IMMP2L: variants seen among roughly 807,000 people sequenced by gnomAD.
The protein encoded by IMMP2L is mitochondrial inner membrane protease subunit 2.
Under a neutral mutation model 19.3 loss-of-function variants are expected in IMMP2L, and 18 were observed. The ratio of observed to expected loss-of-function variants is 0.93; its 90% CI spans 0.64 to 1.38. The LOEUF is 1.38. Ranked by LOEUF, IMMP2L falls within the 40% of genes most tolerant of loss-of-function variation. IMMP2L has a pLI of 0.00. For missense variants in IMMP2L, 233 were observed against 218.2 expected, an observed-to-expected ratio of 1.07 and a Z score of -0.43; for synonymous variants, 76 against 73.0, an observed-to-expected ratio of 1.04 and a Z score of -0.21.
At chr7:111,470,450 A>C (rs570148980) in intron 3 of IMMP2L, among the ~76,000 whole-genome samples, 1 of 152,154 alleles carries the variant, frequency 6.6e-6, no homozygotes, top group South Asian at 2.1e-4. Context: ...ACTATTCACA[A>C]TAGCAAAGAC....
At chr7:111,056,118 A>G (rs1323314395) in intron 3 of IMMP2L, among the ~76,000 whole-genome samples, 1 of 152,226 alleles carries the variant, frequency 6.6e-6, no homozygotes, top group African/African-American at 2.4e-5. Flanking sequence ...AACAACTAAT[A>G]TATCTCTGAG....
chr7:110,909,910 G>GAGATAGAC (rs1439812095), intron 4 of IMMP2L, among the ~76,000 whole-genome samples: 1 of 149,572 alleles, frequency 6.7e-6, no homozygotes, highest in African/African-American at 2.5e-5. Context: ...GAGAGAGAAA[G>GAGATAGAC]AGAGAGAGAG....
At chr7:111,016,839 TTATA>T (rs1366770835) in intron 3 of IMMP2L, among the ~76,000 whole-genome samples, 1 of 69,558 alleles carries the variant, frequency 1.4e-5, no homozygotes, top group Non-Finnish European at 2.6e-5. Flanking sequence ...ATAGTATATA[TTATA>T]TATAATATAT....
Position 111,123,200 on chromosome 7 carries a change from A to C in IMMP2L, c.240-159635T>G. On this transcript the variant is annotated intron_variant, in intron 3 of 5. Coordinates refer to ENST00000405709, the MANE Select transcript of IMMP2L (RefSeq NM_032549.4). This position sits in a 1 kb window ranked among gnomAD's most constrained non-coding sequence, Gnocchi z 6.4. ...TGTCTGTCCGAACTGAGCAACTTAC[A>C]AGAACTCTATATTAATCACAACTTG... 6.2e-7 allele frequency: 1 copy of C among 1,613,992 alleles called. No individual in the cohort carries two copies. The highest frequency in any genetic ancestry group is 1.1e-5 in the South Asian group (1 of 91,084).
At chr7:111,255,872 C>G (rs927834496) in intron 3 of IMMP2L, among the ~76,000 whole-genome samples, 1 of 152,048 alleles carries the variant, frequency 6.6e-6, no homozygotes, top group African/African-American at 2.4e-5. Context: ...TACAATGCTT[C>G]TAACCAGATA....
At chr7:111,304,521 T>C (rs1014049190) in intron 3 of IMMP2L, among the ~76,000 whole-genome samples, 7 of 151,928 alleles carry the variant, frequency 4.6e-5, no homozygotes, top group African/African-American at 1.7e-4. Flanking sequence ...AATGTGTATA[T>C]ATACATATAT....
intron 5 of IMMP2L, among the ~76,000 whole-genome samples, chr7:110,735,121 A>G (rs562651747): frequency 2.2e-4 from 34 of 152,274 alleles, no homozygotes; most frequent in African/African-American, 7.9e-4. Context: ...ACATGCCTGC[A>G]ACAGAAAATT....
intron 2 of IMMP2L, among the ~76,000 whole-genome samples, chr7:111,515,983 T>C (rs1479982253): frequency 1.3e-5 from 2 of 152,050 alleles, no homozygotes; most frequent in Non-Finnish European, 2.9e-5. Flanking sequence ...GGCACAACTT[T>C]TATTAGTTAT....
chr7:111,104,116 G>A (rs1217138008), intron 3 of IMMP2L, among the ~76,000 whole-genome samples: 2 of 151,604 alleles, frequency 1.3e-5, no homozygotes, highest in African/African-American at 2.4e-5. Flanking sequence ...CCTATATTCA[G>A]GCAACTTTTT....
chr7:110,676,837 A>G (rs532424416), intron 5 of IMMP2L, among the ~76,000 whole-genome samples: 3 of 152,284 alleles, frequency 2.0e-5, no homozygotes, highest in East Asian at 3.9e-4. Context: ...ACATGCCCCA[A>G]TTCTTTCTGG....
chr7:110,739,014 G>C (rs1796824127), intron 5 of IMMP2L, among the ~76,000 whole-genome samples: 1 of 152,136 alleles, frequency 6.6e-6, no homozygotes, highest in Admixed American at 6.5e-5. Context: ...TAAATGCTGA[G>C]AGAATTCGCC....
At chr7:111,468,444 G>A (rs913810543) in intron 3 of IMMP2L, among the ~76,000 whole-genome samples, 2 of 152,016 alleles carry the variant, frequency 1.3e-5, no homozygotes, top group Admixed American at 1.3e-4. Context: ...CATATTGGAT[G>A]GCTAGTTTCT....
intron 3 of IMMP2L, among the ~76,000 whole-genome samples, chr7:111,217,126 T>TCTCTCTCTCACACACACA (rs1472700586): frequency 4.0e-5 from 5 of 123,994 alleles, no homozygotes; most frequent in African/African-American, 1.3e-4. Flanking sequence ...TCTCTCTCTC[T>TCTCTCTCTCACACACACA]CACACACACA....
intron 5 of IMMP2L, among the ~76,000 whole-genome samples, chr7:110,670,900 C>G (rs1291933679): frequency 1.3e-5 from 2 of 152,158 alleles, no homozygotes; most frequent in African/African-American, 4.8e-5. Context: ...CTTTGAACAA[C>G]CAACCTAACA....
chr7:111,327,132 TC>T (rs1825401363), intron 3 of IMMP2L, among the ~76,000 whole-genome samples: 1 of 151,732 alleles, frequency 6.6e-6, no homozygotes. Flanking sequence ...AATAGGCCAG[TC>T]ACAGAAGCGC....
chr7:110,835,966 C>A lies in IMMP2L; in HGVS notation c.408+50627G>T, dbSNP rs971009527. 7.2e-5 allele frequency among the ~76,000 whole-genome samples: 11 copies of A among 152,024 alleles called. No homozygotes were observed. In the South Asian group the frequency reaches 2.3e-3, roughly 32 times the overall value. ...ATTGTAATTACATTTACACCCAGGG[C>A]AACACCCAATTGTTCACTGTCATTT... On this transcript the variant is annotated intron_variant, in intron 5 of 5. Coordinates refer to ENST00000405709, the MANE Select transcript of IMMP2L (RefSeq NM_032549.4).
chr7:110,807,261 T>C (rs973910096), intron 5 of IMMP2L, among the ~76,000 whole-genome samples: 12 of 152,046 alleles, frequency 7.9e-5, no homozygotes, highest in Admixed American at 7.2e-4. Flanking sequence ...TTAAAGCTGA[T>C]AGAGTTAGCT....
chr7:111,124,927 A>T, intron 3 of IMMP2L: 1 of 1,382,480 alleles, frequency 7.2e-7, no homozygotes, highest in Non-Finnish European at 9.7e-7. Flanking sequence ...TACTCCAAAA[A>T]TGAACAAAAA....
At chr7:111,191,185 T>G (rs1408088257) in intron 3 of IMMP2L, among the ~76,000 whole-genome samples, 1 of 152,142 alleles carries the variant, frequency 6.6e-6, no homozygotes, top group East Asian at 1.9e-4. Flanking sequence ...TTGCAGTATA[T>G]TATTTTGTAT....
Sources: allele counts gnomAD v4.1 joint callset (sites outside exome capture counted in the v4.1 genomes callset), GRCh38; gene constraint gnomAD v4.1.1; non-coding constraint Gnocchi (gnomAD v3.1); transcripts MANE v1.5; gene names NCBI Gene and HGNC (gene_info 2026-07-23, HGNC 2026-07-21).